MYO7B: variants seen among roughly 807,000 people sequenced by gnomAD.
MYO7B encodes the protein unconventional myosin-VIIb.
A neutral mutation model predicts 259.7 loss-of-function variants in MYO7B; 212 were observed. The ratio of observed to expected loss-of-function variants is 0.82; its 90% CI spans 0.73 to 0.91. The LOEUF (loss-of-function observed/expected upper bound fraction) is 0.91. Among genes scored for constraint, MYO7B ranks in the 40% least tolerant of loss-of-function variants. The pLI, the probability that MYO7B is intolerant of heterozygous loss-of-function variation, is 0.00. For synonymous variants in MYO7B, 1,197 were observed against 1,166.4 expected (o/e 1.03, Z -0.54); for missense variants, 2,732 against 2,813.5 (o/e 0.97, Z 0.66).
At chr2:127,634,517 C>T (rs761240203) in intron 41 of MYO7B, 79 bp from the exon 42 acceptor site, 2 of 1,341,996 alleles carry the variant, frequency 1.5e-6, no homozygotes, top group Non-Finnish European at 1.0e-6. Context: ...TAGGCGGCCA[C>T]TGGACCAGAA....
chr2:127,536,002 T>A (rs941230401), intron 1 of MYO7B, among the ~76,000 whole-genome samples, 171 bp downstream of exon 1: 1 of 151,958 alleles, frequency 6.6e-6, no homozygotes, highest in Non-Finnish European at 1.5e-5. Context: ...AGCAGGGGAC[T>A]CAGTCCATCG....
At position 127,575,992 on chromosome 2, in the gene MYO7B, A is replaced by T. The variant is rs565419661; in HGVS notation, c.736-603A>T. ...GCATTTATAAATAGTGTTTTAAAAA[A>T]TACAGAAGGCACCCTAGGCAACATG... On this transcript the variant is annotated intron_variant, in intron 7 of 47. Transcript: ENST00000409816. Among the ~76,000 whole-genome samples, 335 of 152,310 alleles carry T rather than the reference A, an allele frequency of 2.2e-3. 1 individual carries two copies. The highest frequency in any genetic ancestry group is 7.7e-3 in the African/African-American group (318 of 41,564).
intron 25 of MYO7B, 57 bp from the exon 26 acceptor site, chr2:127,612,419 C>T: frequency 6.5e-7 from 1 of 1,549,726 alleles, no homozygotes; most frequent in South Asian, 1.2e-5. Flanking sequence ...CACCAGTTTC[C>T]TACTTGGCAG....
At chr2:127,629,621 C>G in intron 34 of MYO7B, 24 bp from the exon 35 acceptor site, 1 of 1,604,440 alleles carries the variant, frequency 6.2e-7, no homozygotes, top group Non-Finnish European at 8.5e-7. Context: ...GAGCCCTCAG[C>G]AAATAGCCTC....
rs1244770117 is a variant in MYO7B, at chr2:127,628,449, C to A, written c.4538C>A (p.Ala1513Asp). Reference sequence around the variant, plus strand: ...GAGTTTGTGTCACCCAGCAGTGTGGCCATCGCTGAGCTGGTGGCCCTGTTC... The same window carrying A: ...GAGTTTGTGTCACCCAGCAGTGTGGACATCGCTGAGCTGGTGGCCCTGTTC... ...EYEFVSPSSV[A>D]IAELVALFLE... Residue 1513 changes from alanine (A) to aspartate (D), a missense_variant, in exon 34 of 48, where the codon GCC becomes GAC. Coordinates refer to ENST00000409816, the MANE Select transcript of MYO7B (RefSeq NM_001393586.1). This position sits in a 1 kb window ranked among gnomAD's most constrained non-coding sequence, Gnocchi z 4.8. 3.8e-6 allele frequency: 6 copies of A among 1,584,268 alleles called. No homozygotes were observed. Among genetic ancestry groups the A allele is most frequent in the African/African-American group, 1.3e-5 (1 of 74,492 alleles).
chr2:127,575,610 G>T (rs1186697211), intron 7 of MYO7B, among the ~76,000 whole-genome samples: 2 of 152,080 alleles, frequency 1.3e-5, no homozygotes, highest in Non-Finnish European at 2.9e-5. Context: ...ACTATTTATA[G>T]ATATACTATA....
At chr2:127,583,394 C>T (rs1209032048) in intron 12 of MYO7B, among the ~76,000 whole-genome samples, 1 of 152,206 alleles carries the variant, frequency 6.6e-6, no homozygotes, top group Non-Finnish European at 1.5e-5. Flanking sequence ...CTGCTCACTG[C>T]AGTCAGGTGG....
chr2:127,620,475 G>C lies in MYO7B; in HGVS notation c.3525+9G>C. 1 of 513,054 alleles carries C rather than the reference G, an allele frequency of 1.9e-6. No individual in the cohort carries two copies. Among genetic ancestry groups the C allele is most frequent in the Non-Finnish European group, 3.8e-6 (1 of 265,578 alleles). The allele number at this position is 513,054 out of a possible 1,614,324, so 31.8% of individuals were successfully genotyped here. A position where few individuals can be genotyped will look rare whatever the true frequency, so the allele number is the denominator to read the frequency against. On this transcript the variant is annotated intron_variant, in intron 27 of 47. Transcript: ENST00000409816. Reference sequence around the variant, plus strand: ...CAGAGAGGTTCATGAAGGTGAGAGGGTTCATGAAGGGAGGGCGGGCAGGGG... The same window carrying C: ...CAGAGAGGTTCATGAAGGTGAGAGGCTTCATGAAGGGAGGGCGGGCAGGGG...
At chr2:127,624,787 A>T (rs1306817571) in intron 30 of MYO7B, among the ~76,000 whole-genome samples, 1 of 151,918 alleles carries the variant, frequency 6.6e-6, no homozygotes, top group Non-Finnish European at 1.5e-5. Flanking sequence ...TTTGTAGGGG[A>T]TTGTGAGAAA....
chr2:127,619,697 A>G (rs1417922427), intron 26 of MYO7B, among the ~76,000 whole-genome samples: 2 of 152,166 alleles, frequency 1.3e-5, no homozygotes, highest in Non-Finnish European at 1.5e-5. Flanking sequence ...ATTTACCAGC[A>G]CACCACTGAG....
chr2:127,612,705 C>T, intron 26 of MYO7B, 102 bp downstream of exon 26: 2 of 1,487,412 alleles, frequency 1.3e-6, no homozygotes, highest in African/African-American at 1.4e-5. Flanking sequence ...ATGACACCTC[C>T]TTGTCCTGCG....
chr2:127,635,248 T>TG (rs775208619), intron 43 of MYO7B, 22 bp downstream of exon 43: 1 of 1,595,064 alleles, frequency 6.3e-7, no homozygotes, highest in Non-Finnish European at 8.6e-7. Context: ...GCTGCCCTGG[T>TG]GGGCACTGGG....
At chr2:127,564,904 G>T (rs1216933872) in intron 3 of MYO7B, among the ~76,000 whole-genome samples, 1 of 152,240 alleles carries the variant, frequency 6.6e-6, no homozygotes. Context: ...CAACCTGCAA[G>T]GCTCCCAGCT....
chr2:127,612,440 T>A lies in MYO7B; in HGVS notation c.3271-36T>A, dbSNP rs773690248. On this transcript the variant is annotated intron_variant, in intron 25 of 47. Transcript: ENST00000409816. ...TTTCCTACTTGGCAGATGGGGAGAA[T>A]CATAGCTGTCCTGATGGCTGCCTTT... The A allele has an allele frequency of 3.9e-6, 6 of 1,551,270 alleles. No homozygotes were observed. In the Admixed American group the frequency reaches 1.2e-4, roughly 30 times the overall value.
chr2:127,537,377 G>A (rs552464255), intron 1 of MYO7B, among the ~76,000 whole-genome samples: 2 of 152,298 alleles, frequency 1.3e-5, no homozygotes, highest in South Asian at 4.1e-4. Flanking sequence ...GGTCTGGTCT[G>A]TTGGCCTTGT....
At chr2:127,622,413 C>T (rs1573706695) in intron 28 of MYO7B, among the ~76,000 whole-genome samples, 1 of 152,228 alleles carries the variant, frequency 6.6e-6, no homozygotes, top group Non-Finnish European at 1.5e-5. Context: ...GGGCATTTCA[C>T]TTGGTGACAA....
chr2:127,578,014 G>A (rs1364822160), intron 8 of MYO7B, 119 bp from the exon 9 acceptor site: 27 of 1,192,642 alleles, frequency 2.3e-5, no homozygotes, highest in African/African-American at 6.1e-5. Context: ...GTTTTTGAGC[G>A]TGGACCCTAC....
chr2:127,603,205 A>G (rs1680030494), intron 19 of MYO7B, among the ~76,000 whole-genome samples: 1 of 152,168 alleles, frequency 6.6e-6, no homozygotes, highest in South Asian at 2.1e-4. Flanking sequence ...TAATGTTGAT[A>G]TTTTGACCTC....
At chr2:127,549,661 G>A (rs1401218337) in intron 1 of MYO7B, among the ~76,000 whole-genome samples, 1 of 152,170 alleles carries the variant, frequency 6.6e-6, no homozygotes, top group African/African-American at 2.4e-5. Flanking sequence ...TGGTCACTTT[G>A]AATTTGATGT....
Sources: allele counts gnomAD v4.1 joint callset (sites outside exome capture counted in the v4.1 genomes callset), GRCh38; gene constraint gnomAD v4.1.1; non-coding constraint Gnocchi (gnomAD v3.1); transcripts MANE v1.5; gene names NCBI Gene and HGNC (gene_info 2026-07-23, HGNC 2026-07-21).